The following ZNF880 variants were observed in gnomAD, a reference collection of about 807,000 sequenced individuals.
ZNF880 encodes zinc finger protein LOC400713.
Under a neutral mutation model 11.8 loss-of-function variants are expected in ZNF880, and 12 were observed. The ratio of observed to expected loss-of-function variants is 1.02; its 90% CI spans 0.65 to 1.65. The LOEUF is 1.65. Among genes scored for constraint, ZNF880 ranks in the 40% most tolerant of loss-of-function variants. The pLI is 0.00. For missense variants in ZNF880, 601 were observed against 673.9 expected (o/e 0.89, Z 1.20); for synonymous variants, 210 against 232.4 (o/e 0.90, Z 0.88).
downstream of ZNF880, chr19:52,389,547 CT>C (rs1220554282): frequency 6.6e-6 from 1 of 152,240 alleles, no homozygotes; most frequent in African/African-American, 2.4e-5. Flanking sequence ...ATGTCTGCCC[CT>C]GTGACTTTGC....
intron 3 of ZNF880, among the ~76,000 whole-genome samples, chr19:52,376,832 T>C (rs1194035883): frequency 6.6e-6 from 1 of 151,944 alleles, no homozygotes; most frequent in Non-Finnish European, 1.5e-5. Flanking sequence ...TTTGATAGGA[T>C]TGTTTGTTTT....
At chr19:52,392,263 CTT>C in the ZNF880 span, among the ~76,000 whole-genome samples, 1 of 148,864 alleles carries the variant, frequency 6.7e-6, no homozygotes, top group Non-Finnish European at 1.5e-5. Flanking sequence ...GACTGACTTT[CTT>C]TCTCTTTCTC....
Position 52,373,088 on chromosome 19 carries a change from G to C in ZNF880, c.13-23G>C. The C allele has an allele frequency of 1.9e-6, 3 of 1,610,630 alleles. No individual in the cohort carries two copies. In the East Asian group the frequency reaches 6.7e-5, roughly 36 times the overall value. On this transcript the variant is annotated intron_variant, in intron 1 of 3. Coordinates refer to ENST00000422689, the MANE Select transcript of ZNF880 (RefSeq NM_001145434.2). ...CCTCATTTTGTGTGATATCCTGTTGGTGAAATGTGTTTTTCATTTTAGGGA... is the reference window on the plus strand; with the variant it reads ...CCTCATTTTGTGTGATATCCTGTTGCTGAAATGTGTTTTTCATTTTAGGGA...
the ZNF880 span, among the ~76,000 whole-genome samples, chr19:52,393,886 G>A: frequency 7.1e-6 from 1 of 141,804 alleles, no homozygotes; most frequent in African/African-American, 2.6e-5. Context: ...GCCCAGGCTG[G>A]AGTGCAGTGG....
At chr19:52,393,923 G>A in the ZNF880 span, among the ~76,000 whole-genome samples, 308 of 134,996 alleles carry the variant, frequency 2.3e-3, no homozygotes, top group African/African-American at 7.3e-3. Context: ...TGCAAGCTCC[G>A]CCTCCTGAGT....
chr19:52,386,892 C>G (rs1019571252), downstream of ZNF880, among the ~76,000 whole-genome samples: 1 of 142,020 alleles, frequency 7.0e-6, no homozygotes, highest in African/African-American at 2.7e-5. Flanking sequence ...ATGCCATGTT[C>G]TTGAGTAGCA....
At position 52,372,413 on chromosome 19, in the gene ZNF880, G is replaced by C. The variant is rs974733375; in HGVS notation, c.13-698G>C. Among the ~76,000 whole-genome samples the C allele has an allele frequency of 2.8e-5, 4 of 145,294 alleles. No individual in the cohort carries two copies. In the East Asian group the frequency reaches 6.9e-4, roughly 25 times the overall value. On this transcript the variant is annotated intron_variant, in intron 1 of 3. Coordinates refer to ENST00000422689, the MANE Select transcript of ZNF880 (RefSeq NM_001145434.2). ...CGCCATTCTCCTGCCTCAGCCTCAC[G>C]AGTAACTGGGACTACAGGCGCCCGC...
At chr19:52,370,205 C>G in intron 1 of ZNF880, 2 of 600,404 alleles carry the variant, frequency 3.3e-6, no homozygotes, top group South Asian at 2.0e-5. Flanking sequence ...GTAGACAGCT[C>G]CTGTCGCGGA....
intron 3 of ZNF880, among the ~76,000 whole-genome samples, chr19:52,380,514 ATC>A (rs1325177792): frequency 1.5e-5 from 2 of 129,260 alleles, no homozygotes; most frequent in Non-Finnish European, 3.5e-5. Flanking sequence ...ATTAAATGAA[ATC>A]TTTTTATTTG....
At chr19:52,394,082 A>G in the ZNF880 span, among the ~76,000 whole-genome samples, 96 of 151,736 alleles carry the variant, frequency 6.3e-4, 1 homozygote, top group East Asian at 3.5e-3. Flanking sequence ...CTCGTAGTCC[A>G]CCTGCCTTGG....
At position 52,383,873 on chromosome 19, in the gene ZNF880, A is replaced by G. The variant is rs1365312731; in HGVS notation, c.293A>G (p.Asn98Ser). The G allele has an allele frequency of 1.9e-6, 3 of 1,543,600 alleles. No homozygotes were observed. The highest frequency in any genetic ancestry group is 2.8e-5 in the African/African-American group (2 of 71,130). Residue 98 changes from asparagine to serine, a missense_variant, in exon 4 of 4, where the codon AAT (asparagine) becomes AGT (serine). Asn to Ser is a conservative substitution (Grantham distance 46). Transcript: ENST00000422689. ...GAGAGCAGCTCTAAATTGGGAAGCA[A>G]TGCCGGAAACAAGTCTCTTAAAAAT... is the stretch of plus-strand genomic sequence containing the variant. The part of the protein sequence containing the change: ...NAESSSKLGS[N>S]AGNKSLKNQL...
At chr19:52,390,400 C>A (rs1322461807), downstream of ZNF880, 2 of 372,138 alleles carry the variant, frequency 5.4e-6, no homozygotes, top group Non-Finnish European at 1.1e-5. Flanking sequence ...CTGACTTTCT[C>A]CTGCCTTTTT....
the ZNF880 span, among the ~76,000 whole-genome samples, chr19:52,394,077 AG>A: frequency 5.1e-4 from 77 of 151,698 alleles, 1 homozygote; most frequent in East Asian, 3.5e-3. Flanking sequence ...CTGACCTCGT[AG>A]TCCACCTGCC....
At chr19:52,389,772 A>G (rs1003391062), downstream of ZNF880, 33 of 152,258 alleles carry the variant, frequency 2.2e-4, no homozygotes, top group Admixed American at 1.7e-3. Context: ...GAGGTTCTCC[A>G]TGAGGGCTCC....
At chr19:52,368,087 T>A (rs955525681), upstream of ZNF880, among the ~76,000 whole-genome samples, 1 of 151,162 alleles carries the variant, frequency 6.6e-6, no homozygotes, top group Non-Finnish European at 1.5e-5. Flanking sequence ...GCACCTGTAA[T>A]CCCAGCTACT....
At chr19:52,374,469 T>G in intron 3 of ZNF880, 42 bp downstream of exon 3, 4 of 1,571,334 alleles carry the variant, frequency 2.5e-6, no homozygotes, top group Non-Finnish European at 3.5e-6. Context: ...CATAATTTTT[T>G]TTTTTTTTAA....
At chr19:52,383,096 T>C (rs1207976991) in intron 3 of ZNF880, among the ~76,000 whole-genome samples, 2 of 152,190 alleles carry the variant, frequency 1.3e-5, no homozygotes, top group African/African-American at 4.8e-5. Context: ...TCAGTTATCA[T>C]ATTTAAGCTC....
At chr19:52,377,053 G>A (rs1175261309) in intron 3 of ZNF880, among the ~76,000 whole-genome samples, 1 of 152,080 alleles carries the variant, frequency 6.6e-6, no homozygotes, top group Admixed American at 6.6e-5. Context: ...CATTCTGAAG[G>A]ACATAGGGAG....
downstream of ZNF880, among the ~76,000 whole-genome samples, chr19:52,388,688 C>T (rs1042078996): frequency 6.6e-6 from 1 of 152,060 alleles, no homozygotes; most frequent in Admixed American, 6.6e-5. Context: ...CAAATGTTTA[C>T]TACATAAACA....
Sources: gnomAD v4.1 joint callset for allele counts (sites outside exome capture counted in the v4.1 genomes callset) on GRCh38, gnomAD v4.1.1 for gene constraint, MANE v1.5 for transcripts, NCBI Gene and HGNC (gene_info 2026-07-23, HGNC 2026-07-21) for gene names.